DLGAP2: variants seen among roughly 807,000 people sequenced by gnomAD.
DLGAP2 encodes the protein disks large-associated protein 2.
In DLGAP2, 26 loss-of-function variants were observed where a neutral mutation model predicts 100.3. That is an observed-to-expected ratio of 0.26 (90% confidence interval 0.19 to 0.36). DLGAP2 has a LOEUF of 0.36. Among genes scored for constraint, DLGAP2 ranks in the 10% least tolerant of loss-of-function variants. The probability of loss-of-function intolerance (pLI) is 1.00; values close to 1 mark genes in which losing one functional copy is unlikely to be tolerated. For missense variants in DLGAP2, 1,858 were observed against 1,453.2 expected (o/e 1.28, Z -4.53); for synonymous variants, 886 against 630.1 (o/e 1.41, Z -6.08).
intron 4 of DLGAP2, among the ~76,000 whole-genome samples, chr8:1,511,906 C>T (rs936028014): frequency 1.3e-5 from 2 of 152,252 alleles, no homozygotes; most frequent in Non-Finnish European, 2.9e-5. Context: ...CATTAGGCTC[C>T]AAGTCTTATC....
chr8:834,553 T>A (rs969654819), intron 1 of DLGAP2, among the ~76,000 whole-genome samples: 2 of 152,218 alleles, frequency 1.3e-5, no homozygotes, highest in Non-Finnish European at 2.9e-5. Flanking sequence ...CACTTTAACT[T>A]GTGATTGTTT....
At chr8:1,230,332 A>G (rs545300213) in intron 2 of DLGAP2, among the ~76,000 whole-genome samples, 1 of 152,318 alleles carries the variant, frequency 6.6e-6, no homozygotes, top group African/African-American at 2.4e-5. Context: ...TACACGGAGA[A>G]CTATAAAACA....
chr8:1,175,704 C>T (rs144850124), intron 2 of DLGAP2, among the ~76,000 whole-genome samples: 14 of 152,308 alleles, frequency 9.2e-5, no homozygotes, highest in African/African-American at 3.4e-4. Context: ...ATATCAGCAC[C>T]TTTAAGAGCT....
Position 1,430,732 on chromosome 8 carries a change from C to A in DLGAP2, c.107-70634C>A, listed in dbSNP as rs533561568. Among the ~76,000 whole-genome samples, 7 of 152,348 alleles carry A rather than the reference C, an allele frequency of 4.6e-5. No individual in the cohort carries two copies. The South Asian group carries it at 1.4e-3, about 32-fold the overall frequency. On this transcript the variant is annotated intron_variant, in intron 3 of 14. Transcript: ENST00000637795. ...TCTTTTCTATCACAGTTTTCTTCCACTCAGAAATATCTTCAACCTGCAGAT... is the reference window on the plus strand; with the variant it reads ...TCTTTTCTATCACAGTTTTCTTCCAATCAGAAATATCTTCAACCTGCAGAT...
chr8:1,697,383 C>T lies in DLGAP2; in HGVS notation c.2949+84C>T, dbSNP rs182078710. 2.0e-4 allele frequency: 296 copies of T among 1,493,952 alleles called. 2 individuals carry two copies. The African/African-American group carries it at 3.6e-3, about 18-fold the overall frequency. 92.5% of individuals were successfully genotyped at this position (1,493,952 alleles called of 1,614,324 possible). A position where few individuals can be genotyped will look rare whatever the true frequency, so the allele number is the denominator to read the frequency against. ...ACCTGCTGCAGATAGAGCATGACAACGGGGTTCTCAGTCTTTTGCTGGCAA... is the reference window on the plus strand; with the variant it reads ...ACCTGCTGCAGATAGAGCATGACAATGGGGTTCTCAGTCTTTTGCTGGCAA... On this transcript the variant is annotated intron_variant, in intron 14 of 14. Coordinates refer to ENST00000637795, the MANE Select transcript of DLGAP2 (RefSeq NM_001346810.2).
chr8:1,691,626 G>C lies in DLGAP2; in HGVS notation c.2796G>C (p.Met932Ile). ...QQFYWLCQQN[M>I]DPSAMPRPTS... ...TTTATTGGCTTTGCCAACAGAATAT[G>C]GTAAGTGAATCCTCAGTGAACCCCT... The change falls in exon 13 of 15, where the codon ATG becomes ATC. Residue 932 changes from methionine (M) to isoleucine (I), a missense_variant and splice_region_variant. Coordinates refer to ENST00000637795, the MANE Select transcript of DLGAP2 (RefSeq NM_001346810.2). 1 of 1,613,004 alleles carries C rather than the reference G, an allele frequency of 6.2e-7. No homozygotes were observed. Among genetic ancestry groups the C allele is most frequent in the Non-Finnish European group, 8.5e-7 (1 of 1,179,302 alleles).
At chr8:836,552 CG>C (rs1796879853) in intron 1 of DLGAP2, among the ~76,000 whole-genome samples, 1 of 152,174 alleles carries the variant, frequency 6.6e-6, no homozygotes, top group Non-Finnish European at 1.5e-5. Context: ...GAGGTTCTGC[CG>C]GGGTGACCCT....
rs190685257 is a variant in DLGAP2, at chr8:1,245,688, A to G, written c.74-13163A>G. ...GGCTGCACAGCTCTGTGAGTATGCT[A>G]TTGAGCTGTGCACTTTCAGTGGGTG... On this transcript the variant is annotated intron_variant, in intron 2 of 14. Coordinates refer to ENST00000637795, the MANE Select transcript of DLGAP2 (RefSeq NM_001346810.2). Among the ~76,000 whole-genome samples the G allele has an allele frequency of 5.3e-5, 8 of 152,344 alleles. No individual in the cohort carries two copies. In the East Asian group the frequency reaches 5.8e-4, roughly 11 times the overall value.
chr8:1,343,304 AGTCACACAGGCAGTGCTTAAT>A (rs1185089812), intron 3 of DLGAP2, among the ~76,000 whole-genome samples: 1 of 152,184 alleles, frequency 6.6e-6, no homozygotes, highest in Non-Finnish European at 1.5e-5. Context: ...TCTCCCGTGG[AGTCACACAGGCAGTGCTTAAT>A]GTCCCACCGG....
At chr8:903,974 G>A (rs772907921) in intron 1 of DLGAP2, among the ~76,000 whole-genome samples, 1 of 152,254 alleles carries the variant, frequency 6.6e-6, no homozygotes, top group Non-Finnish European at 1.5e-5. Context: ...GTGAGGAAGA[G>A]GCGTGGCCGG....
chr8:1,437,514 A>C (rs137856895), intron 3 of DLGAP2, among the ~76,000 whole-genome samples: 1 of 152,188 alleles, frequency 6.6e-6, no homozygotes, highest in Non-Finnish European at 1.5e-5. Context: ...ACATCGACCT[A>C]ACCTCCTGGA....
At chr8:1,286,086 C>T (rs974402593) in intron 3 of DLGAP2, among the ~76,000 whole-genome samples, 1 of 152,210 alleles carries the variant, frequency 6.6e-6, no homozygotes, top group African/African-American at 2.4e-5. Flanking sequence ...CGCTGTGTGT[C>T]AAGGGCAGGA....
chr8:1,177,531 G>A (rs951318053), intron 2 of DLGAP2, among the ~76,000 whole-genome samples: 2 of 152,070 alleles, frequency 1.3e-5, no homozygotes, highest in Non-Finnish European at 2.9e-5. Context: ...GCTTGCGATT[G>A]TGTTGCTTCA....
At chr8:1,112,178 A>G (rs1354866167) in intron 2 of DLGAP2, among the ~76,000 whole-genome samples, 3 of 149,348 alleles carry the variant, frequency 2.0e-5, no homozygotes, top group Admixed American at 6.7e-5. Flanking sequence ...AAGTTTTTTC[A>G]TATGCTTCTT....
In DLGAP2 at chr8:837,510, C is replaced by G. The variant is rs541623741; in HGVS notation, c.19-70402C>G. Among the ~76,000 whole-genome samples the G allele has an allele frequency of 4.6e-5, 7 of 152,218 alleles. No homozygotes were observed. The East Asian group carries it at 5.8e-4, about 13-fold the overall frequency. ...CAACATTTTTATAGCGTGTTCATCA[C>G]CATCCCTAGTTTAGTAAGTAGCGGT... On this transcript the variant is annotated intron_variant, in intron 1 of 14. Transcript: ENST00000637795.
chr8:1,325,927 G>C (rs1355742778), intron 3 of DLGAP2, among the ~76,000 whole-genome samples: 1 of 152,166 alleles, frequency 6.6e-6, no homozygotes, highest in Admixed American at 6.5e-5. Flanking sequence ...GGTAACTACA[G>C]GTCTAATCAT....
At chr8:934,612 A>G (rs531579144) in intron 2 of DLGAP2, among the ~76,000 whole-genome samples, 8 of 152,216 alleles carry the variant, frequency 5.3e-5, no homozygotes, top group South Asian at 2.1e-4. Flanking sequence ...TGACGTGGCT[A>G]TTCCCGGCTT....
intron 3 of DLGAP2, among the ~76,000 whole-genome samples, chr8:1,494,900 G>A (rs4876066): frequency 4.6e-5 from 7 of 152,008 alleles, no homozygotes; most frequent in Admixed American, 2.6e-4. Context: ...TTCCCCAGGC[G>A]TCAATTTCTG....
intron 10 of DLGAP2, among the ~76,000 whole-genome samples, chr8:1,670,816 A>G (rs1798672686): frequency 6.6e-6 from 1 of 152,214 alleles, no homozygotes; most frequent in African/African-American, 2.4e-5. Context: ...CAGTGTCAGG[A>G]TAAGGAAAAC....
Sources: gnomAD v4.1 joint callset for allele counts (sites outside exome capture counted in the v4.1 genomes callset) on GRCh38, gnomAD v4.1.1 for gene constraint, MANE v1.5 for transcripts, NCBI Gene and HGNC (gene_info 2026-07-23, HGNC 2026-07-21) for gene names.